FRMPD4: variants seen among roughly 807,000 people sequenced by gnomAD.
FRMPD4 encodes the protein FERM and PDZ domain containing 4.
A neutral mutation model predicts 94.1 loss-of-function variants in FRMPD4; 22 were observed. The observed-to-expected ratio is 0.23, with a 90% CI of 0.17 to 0.33. FRMPD4 has a LOEUF of 0.33. Among genes scored for constraint, FRMPD4 ranks in the 10% least tolerant of loss-of-function variants. The pLI, the probability that FRMPD4 is intolerant of heterozygous loss-of-function variation, is 1.00. For synonymous variants in FRMPD4, 631 were observed against 548.6 expected (o/e 1.15, Z -2.10); for missense variants, 1,111 against 1,339.9 (o/e 0.83, Z 2.67).
At chrX:12,471,129 C>G (rs1246839457) in intron 1 of FRMPD4, among the ~76,000 whole-genome samples, 1 of 111,870 alleles carries the variant, frequency 8.9e-6, no homozygotes, top group African/African-American at 3.2e-5. Context: ...TAGACCTTCA[C>G]AACATTCTCC....
Position 12,537,672 on chromosome X carries a change from GAACTC to G in FRMPD4, c.158+38877_158+38881del, listed in dbSNP as rs1232671265. Among the ~76,000 whole-genome samples the G allele has an allele frequency of 4.6e-3, 493 of 107,811 alleles. 1 individual carries two copies. Among genetic ancestry groups the G allele is most frequent in the African/African-American group, 0.016 (465 of 29,665 alleles). 93.6% of individuals were successfully genotyped at this position (107,811 alleles called of 115,157 possible). ...TCACCATGTTGCCCAGGCTGGTCTT[GAACTC>G]CTGGGTTCAAGCAATTCCCCGCCGC... is the stretch of plus-strand genomic sequence containing the variant. On this transcript the variant is annotated intron_variant, in intron 2 of 16. Coordinates refer to ENST00000675598, the MANE Select transcript of FRMPD4 (RefSeq NM_001368397.1).
chrX:12,454,155 A>AGTTTCTATGTGAATATTAACATTT (rs1488055036), intron 1 of FRMPD4, among the ~76,000 whole-genome samples: 1 of 112,290 alleles, frequency 8.9e-6, no homozygotes, highest in East Asian at 2.8e-4. Context: ...CAGATTCATA[A>AGTTTCTATGTGAATATTAACATTT]GTTTCTATGT....
chrX:11,854,576 G>C (rs1370342966), intron 1 of FRMPD4, among the ~76,000 whole-genome samples: 1 of 112,264 alleles, frequency 8.9e-6, no homozygotes, highest in Non-Finnish European at 1.9e-5. Flanking sequence ...TTCCAAATGG[G>C]AGAAATTGGC....
intron 2 of FRMPD4, among the ~76,000 whole-genome samples, chrX:11,877,793 C>T (rs1216175482): frequency 1.8e-5 from 2 of 111,927 alleles, no homozygotes; most frequent in Non-Finnish European, 3.8e-5. Context: ...GCATCGATTC[C>T]TCCTCTCCTT....
intron 1 of FRMPD4, among the ~76,000 whole-genome samples, chrX:12,267,367 C>A (rs1004043434): frequency 8.9e-6 from 1 of 111,946 alleles, no homozygotes; most frequent in Admixed American, 9.5e-5. Context: ...GCCAATTTTC[C>A]CCCTTTTATA....
At chrX:12,232,377 G>A (rs1474917363) in intron 1 of FRMPD4, among the ~76,000 whole-genome samples, 1 of 111,489 alleles carries the variant, frequency 9.0e-6, no homozygotes, top group Non-Finnish European at 1.9e-5. Context: ...AAGGTGGCAG[G>A]AGAGAGAAGA....
At chrX:12,472,591 G>T (rs1265374146) in intron 1 of FRMPD4, among the ~76,000 whole-genome samples, 1 of 111,403 alleles carries the variant, frequency 9.0e-6, no homozygotes. Flanking sequence ...TGGCTAACTA[G>T]AATAACCAAT....
At chrX:11,985,392 A>C (rs1251810107) in intron 3 of FRMPD4, among the ~76,000 whole-genome samples, 1 of 112,066 alleles carries the variant, frequency 8.9e-6, no homozygotes, top group Non-Finnish European at 1.9e-5. Flanking sequence ...TGAATAACCA[A>C]GAGTGATACC....
chrX:12,420,777 G>T (rs184471190), intron 1 of FRMPD4, among the ~76,000 whole-genome samples: 1 of 112,343 alleles, frequency 8.9e-6, no homozygotes, highest in African/African-American at 3.2e-5. Context: ...ACATGTAACC[G>T]CATGTTTGAT....
At chrX:12,402,491 C>A (rs11095570) in intron 1 of FRMPD4, among the ~76,000 whole-genome samples, 32,544 of 110,626 alleles carry the variant, frequency 0.29, 4,161 homozygotes, top group African/African-American at 0.47. Flanking sequence ...CCAAGGATTC[C>A]TTCTTGTCTC....
At chrX:11,845,534 C>T (rs2053569967) in intron 1 of FRMPD4, among the ~76,000 whole-genome samples, 1 of 108,249 alleles carries the variant, frequency 9.2e-6, no homozygotes, top group African/African-American at 3.4e-5. Flanking sequence ...TTTTATGAGG[C>T]CAGCATCATC....
chrX:12,552,861 C>A (rs890368430), intron 2 of FRMPD4, among the ~76,000 whole-genome samples: 1 of 112,149 alleles, frequency 8.9e-6, no homozygotes, highest in South Asian at 3.7e-4. Context: ...TGTATATATC[C>A]TTTTTGAAAA....
At chrX:12,519,731 A>T (rs1470992637) in intron 2 of FRMPD4, among the ~76,000 whole-genome samples, 1 of 112,617 alleles carries the variant, frequency 8.9e-6, no homozygotes, top group Non-Finnish European at 1.9e-5. Context: ...AACTCAATTT[A>T]AAAATGGGCA....
At position 12,622,015 on chromosome X, in the gene FRMPD4, A is replaced by AAAGAAAAGGAAGG. The variant is rs1398888625; in HGVS notation, c.422+7137_422+7138insAAAAGGAAGGAAG. On this transcript the variant is annotated intron_variant, in intron 4 of 16. Coordinates refer to ENST00000675598, the MANE Select transcript of FRMPD4 (RefSeq NM_001368397.1). ...GAAAGAAAGAAAGAAAGAAAGAAAG[A>AAAGAAAAGGAAGG]AAGGAAGGAAGGAAGGAAGGAAGGA... Among the ~76,000 whole-genome samples, 2 of 22,005 alleles carry AAAGAAAAGGAAGG rather than the reference A, an allele frequency of 9.1e-5. 1 individual carries two copies. The highest frequency in any genetic ancestry group is 1.7e-4 in the Non-Finnish European group (2 of 12,100). 19.1% of individuals were successfully genotyped at this position (22,005 alleles called of 115,157 possible).
At chrX:12,047,152 T>C (rs1273304468) in intron 3 of FRMPD4, among the ~76,000 whole-genome samples, 1 of 110,025 alleles carries the variant, frequency 9.1e-6, no homozygotes. Flanking sequence ...TATGTAATTA[T>C]AGATATGTGA....
chrX:12,040,558 T>C (rs1401592816), intron 3 of FRMPD4, among the ~76,000 whole-genome samples: 1 of 90,747 alleles, frequency 1.1e-5, no homozygotes, highest in African/African-American at 4.0e-5. Context: ...TCTGCCTTTT[T>C]TTTTTTTTTT....
At chrX:12,050,618 AT>A (rs1264997064) in intron 3 of FRMPD4, among the ~76,000 whole-genome samples, 2 of 111,296 alleles carry the variant, frequency 1.8e-5, no homozygotes, top group Non-Finnish European at 3.8e-5. Flanking sequence ...TTTTTCTATC[AT>A]TTTTTGTTTT....
intron 3 of FRMPD4, among the ~76,000 whole-genome samples, chrX:11,950,186 A>C (rs188858988): frequency 9.0e-6 from 1 of 111,335 alleles, no homozygotes; most frequent in Non-Finnish European, 1.9e-5. Context: ...CCCTGATTGC[A>C]CTCACTCTGT....
At chrX:12,174,986 G>A (rs1011150917) in intron 1 of FRMPD4, among the ~76,000 whole-genome samples, 2 of 112,224 alleles carry the variant, frequency 1.8e-5, no homozygotes, top group Non-Finnish European at 3.8e-5. Flanking sequence ...ACAGTTACAC[G>A]ACCTTGCCTT....
Sources: allele counts gnomAD v4.1 joint callset (sites outside exome capture counted in the v4.1 genomes callset), GRCh38; gene constraint gnomAD v4.1.1; transcripts MANE v1.5; gene names NCBI Gene and HGNC (gene_info 2026-07-23, HGNC 2026-07-21).